Variants in RAB10 observed in about 807,000 individuals in gnomAD.
RAB10 encodes ras-related protein Rab-10.
A neutral mutation model predicts 25.7 loss-of-function variants in RAB10; 5 were observed. The observed-to-expected ratio is 0.19, with a 90% CI of 0.10 to 0.41. RAB10 has a LOEUF of 0.41. Ranked by LOEUF, RAB10 falls within the 10% of genes least tolerant of loss-of-function variation. RAB10 has a pLI of 1.00. For missense variants in RAB10, 103 were observed against 245.8 expected, an observed-to-expected ratio of 0.42 and a Z score of 3.89; for synonymous variants, 89 against 86.4, an observed-to-expected ratio of 1.03 and a Z score of -0.16.
intron 1 of RAB10, among the ~76,000 whole-genome samples, chr2:26,065,345 G>T (rs1316757994): frequency 1.3e-5 from 2 of 151,894 alleles, no homozygotes; most frequent in Non-Finnish European, 2.9e-5. Flanking sequence ...CTCCAGTATG[G>T]CTATATATAT....
intron 1 of RAB10, among the ~76,000 whole-genome samples, chr2:26,047,977 C>T (rs947254793): frequency 6.0e-5 from 9 of 151,082 alleles, no homozygotes; most frequent in East Asian, 1.9e-4. Context: ...CTGCCGGCCT[C>T]GGCCTTGGCC....
intron 1 of RAB10, among the ~76,000 whole-genome samples, chr2:26,067,134 C>T (rs549604625): frequency 6.6e-6 from 1 of 152,162 alleles, no homozygotes; most frequent in African/African-American, 2.4e-5. Flanking sequence ...CCAAGCAGGT[C>T]TCAAACTCCT....
intron 2 of RAB10, among the ~76,000 whole-genome samples, chr2:26,107,245 CAAAAAAAAA>C (rs57391958): frequency 1.5e-5 from 1 of 66,812 alleles, no homozygotes; most frequent in Non-Finnish European, 3.2e-5. Flanking sequence ...CACCCTGTTT[CAAAAAAAAA>C]AAAAAAAAAA....
intron 3 of RAB10, among the ~76,000 whole-genome samples, chr2:26,125,218 C>T (rs1667882115): frequency 6.6e-6 from 1 of 152,074 alleles, no homozygotes; most frequent in African/African-American, 2.4e-5. Context: ...ACATTCCTAC[C>T]AACAGTACAC....
chr2:26,137,280 T>C lies in RAB10; in HGVS notation c.*2259T>C, dbSNP rs1307080339. 6.5e-6 allele frequency: 1 copy of C among 152,706 alleles called. No homozygotes were observed. The highest frequency in any genetic ancestry group is 1.5e-5 in the Non-Finnish European group (1 of 68,044). 9.5% of individuals were successfully genotyped at this position (152,706 alleles called of 1,614,324 possible). ...TAATATTAGGGCTTTGCCCCTTTTC[T>C]GTAAGTCTCTTGGGATCCTGTGTAG... On this transcript the variant is annotated 3_prime_UTR_variant, in exon 6 of 6. Transcript: ENST00000264710.
At chr2:26,069,699 C>T (rs1255093614) in intron 1 of RAB10, among the ~76,000 whole-genome samples, 1 of 133,486 alleles carries the variant, frequency 7.5e-6, no homozygotes, top group Non-Finnish European at 1.6e-5. Flanking sequence ...AAAGGAAAAA[C>T]AACTACTCAG....
At chr2:26,111,597 A>T (rs1352976012) in intron 3 of RAB10, among the ~76,000 whole-genome samples, 2 of 113,646 alleles carry the variant, frequency 1.8e-5, no homozygotes, top group Non-Finnish European at 3.7e-5. Context: ...CAAGAGCGAA[A>T]CTCCATCTCA....
intron 5 of RAB10, among the ~76,000 whole-genome samples, chr2:26,134,652 A>G (rs1003313091): frequency 6.6e-6 from 1 of 152,238 alleles, no homozygotes; most frequent in Admixed American, 6.5e-5. Context: ...GGTCAGGGCT[A>G]GAAGATAACA....
intron 3 of RAB10, among the ~76,000 whole-genome samples, chr2:26,113,661 C>A (rs546982308): frequency 6.6e-5 from 10 of 151,576 alleles, no homozygotes; most frequent in African/African-American, 2.4e-4. Context: ...ATTATTGTAC[C>A]TGTCCCCTAA....
intron 1 of RAB10, among the ~76,000 whole-genome samples, chr2:26,050,088 T>G (rs1666100632): frequency 6.6e-6 from 1 of 152,172 alleles, no homozygotes; most frequent in Admixed American, 6.5e-5. Context: ...CGATACCCTG[T>G]TTTTTTGCAA....
intron 3 of RAB10, among the ~76,000 whole-genome samples, chr2:26,118,103 G>A (rs1446329524): frequency 1.3e-5 from 2 of 152,018 alleles, no homozygotes; most frequent in East Asian, 3.9e-4. Context: ...CTCCTGAGTA[G>A]CTGGGATTAC....
intron 1 of RAB10, among the ~76,000 whole-genome samples, chr2:26,062,360 C>A (rs1021187679): frequency 6.6e-6 from 1 of 152,076 alleles, no homozygotes; most frequent in African/African-American, 2.4e-5. Context: ...GACAGCCCAT[C>A]CCCTCCTCCC....
chr2:26,080,356 G>A (rs761834924), intron 1 of RAB10, among the ~76,000 whole-genome samples: 13 of 152,158 alleles, frequency 8.5e-5, no homozygotes, highest in African/African-American at 2.4e-4. Flanking sequence ...AAATTGTTGC[G>A]GCAGGAGCCA....
rs34334774 is a variant in RAB10 at position 26,079,324 on chromosome 2, AACAC to A, written c.128-19311_128-19308del. On this transcript the variant is annotated intron_variant, in intron 1 of 5. Coordinates refer to ENST00000264710, the MANE Select transcript of RAB10 (RefSeq NM_016131.5). ...AGCAAGTTTGAAACACACACACACA[AACAC>A]ACACACACACACACACACACACACA... Among the ~76,000 whole-genome samples the A allele has an allele frequency of 3.1e-3, 286 of 92,646 alleles. 1 individual carries two copies. Among genetic ancestry groups the A allele is most frequent in the East Asian group, 0.017 (39 of 2,230 alleles). 60.8% of individuals were successfully genotyped at this position (92,646 alleles called of 152,430 possible).
chr2:26,039,275 C>A (rs1190895549), intron 1 of RAB10, among the ~76,000 whole-genome samples: 6 of 151,978 alleles, frequency 3.9e-5, no homozygotes, highest in Non-Finnish European at 4.4e-5. Flanking sequence ...CCCACCTTGG[C>A]CTCCCAAAAT....
At chr2:26,134,220 A>G (rs1051332612) in intron 5 of RAB10, among the ~76,000 whole-genome samples, 36 of 151,848 alleles carry the variant, frequency 2.4e-4, no homozygotes, top group African/African-American at 8.5e-4. Context: ...GGCTCAAGTG[A>G]TCCTCTTGCC....
intron 3 of RAB10, among the ~76,000 whole-genome samples, chr2:26,124,271 T>A (rs1383986778): frequency 6.6e-6 from 1 of 152,000 alleles, no homozygotes; most frequent in Non-Finnish European, 1.5e-5. Flanking sequence ...GTATGTTGTT[T>A]TAAATCAGCA....
At chr2:26,037,037 A>T (rs190401767) in intron 1 of RAB10, among the ~76,000 whole-genome samples, 51 of 152,164 alleles carry the variant, frequency 3.4e-4, no homozygotes, top group Non-Finnish European at 6.3e-4. Flanking sequence ...CAGCCTCCCA[A>T]AGTGCTGGGA....
At chr2:26,075,981 T>C (rs1035548267) in intron 1 of RAB10, among the ~76,000 whole-genome samples, 1 of 152,148 alleles carries the variant, frequency 6.6e-6, no homozygotes, top group Non-Finnish European at 1.5e-5. Flanking sequence ...GGTGTATCAA[T>C]AAGGGCAGGC....
Sources: gnomAD v4.1 joint callset for allele counts (sites outside exome capture counted in the v4.1 genomes callset) on GRCh38, gnomAD v4.1.1 for gene constraint, MANE v1.5 for transcripts, NCBI Gene and HGNC (gene_info 2026-07-23, HGNC 2026-07-21) for gene names.